SPOCK1: variants seen among roughly 807,000 people sequenced by gnomAD.
SPOCK1 encodes the protein testican-1.
Under a neutral mutation model 55.3 loss-of-function variants are expected in SPOCK1, and 23 were observed. The observed-to-expected ratio is 0.42, with a 90% CI of 0.30 to 0.59. SPOCK1 has a LOEUF of 0.59. Ranked by LOEUF, SPOCK1 falls within the 20% of genes least tolerant of loss-of-function variation. SPOCK1 has a pLI of 0.22. For missense variants in SPOCK1, 499 were observed against 552.5 expected, an observed-to-expected ratio of 0.90 and a Z score of 0.97; for synonymous variants, 226 against 221.0, an observed-to-expected ratio of 1.02 and a Z score of -0.20.
chr5:136,994,393 G>A (rs1328859094), intron 6 of SPOCK1, among the ~76,000 whole-genome samples: 1 of 152,144 alleles, frequency 6.6e-6, no homozygotes, highest in African/African-American at 2.4e-5. Flanking sequence ...GGTGACCTGA[G>A]ACAAGTCAGC....
intron 3 of SPOCK1, among the ~76,000 whole-genome samples, chr5:137,155,561 G>C (rs1350315722): frequency 6.6e-6 from 1 of 152,170 alleles, no homozygotes; most frequent in African/African-American, 2.4e-5. Context: ...TGAAATACGG[G>C]GATACCCTTT....
At chr5:137,101,862 A>G (rs993295526) in intron 5 of SPOCK1, among the ~76,000 whole-genome samples, 6 of 152,228 alleles carry the variant, frequency 3.9e-5, no homozygotes, top group Admixed American at 2.6e-4. Flanking sequence ...CAAATGGTTT[A>G]AAAACATCCT....
chr5:137,255,520 C>T lies in SPOCK1; in HGVS notation c.232+11490G>A, dbSNP rs562081455. ...TGTTATCACTTGACACTTACATATG[C>T]CTACAAGTTGTTTTTTGGTGAATGA... On this transcript the variant is annotated intron_variant, in intron 3 of 10. Coordinates refer to ENST00000394945, the MANE Select transcript of SPOCK1 (RefSeq NM_004598.4). Among the ~76,000 whole-genome samples, 4 of 152,236 alleles carry T rather than the reference C, an allele frequency of 2.6e-5. No homozygotes were observed. The South Asian group carries it at 8.3e-4, about 32-fold the overall frequency.
chr5:137,036,377 T>C (rs936969062), intron 6 of SPOCK1, among the ~76,000 whole-genome samples: 15 of 152,198 alleles, frequency 9.9e-5, no homozygotes, highest in African/African-American at 3.4e-4. Flanking sequence ...AGACTTCTCT[T>C]CCATCCAGGA....
At chr5:137,386,828 A>C (rs896022434) in intron 2 of SPOCK1, among the ~76,000 whole-genome samples, 1 of 152,196 alleles carries the variant, frequency 6.6e-6, no homozygotes, top group African/African-American at 2.4e-5. Context: ...TAAACTTAAA[A>C]ATTTCTGCTG....
At chr5:137,271,658 A>G (rs1156982035) in intron 2 of SPOCK1, among the ~76,000 whole-genome samples, 5 of 152,184 alleles carry the variant, frequency 3.3e-5, no homozygotes, top group African/African-American at 1.2e-4. Context: ...TAGCTCAAAT[A>G]TTCACCAGGG....
chr5:136,979,232 T>G, intron 10 of SPOCK1, 100 bp downstream of exon 10: 1 of 1,515,470 alleles, frequency 6.6e-7, no homozygotes, highest in South Asian at 1.2e-5. Flanking sequence ...TAATGTATAC[T>G]GGAGTTACCT....
chr5:137,498,142 CAGGT>C (rs1754337839), intron 2 of SPOCK1, among the ~76,000 whole-genome samples: 1 of 152,148 alleles, frequency 6.6e-6, no homozygotes, highest in Non-Finnish European at 1.5e-5. Flanking sequence ...ACCTGGGCCA[CAGGT>C]AACAGGCAAG....
intron 2 of SPOCK1, among the ~76,000 whole-genome samples, chr5:137,351,674 C>A (rs919092355): frequency 2.6e-5 from 4 of 152,182 alleles, no homozygotes; most frequent in Non-Finnish European, 5.9e-5. Flanking sequence ...ATGTTTTGGC[C>A]ACATCCAAGG....
At chr5:137,400,197 G>A (rs965758821) in intron 2 of SPOCK1, among the ~76,000 whole-genome samples, 4 of 152,114 alleles carry the variant, frequency 2.6e-5, no homozygotes, top group African/African-American at 9.7e-5. Flanking sequence ...CAGCTCGAGT[G>A]ATCACCAGAC....
intron 3 of SPOCK1, among the ~76,000 whole-genome samples, chr5:137,177,709 T>C (rs758758563): frequency 6.6e-6 from 1 of 151,650 alleles, no homozygotes; most frequent in African/African-American, 2.4e-5. Context: ...GACTCAAAGA[T>C]AAGAAGAAGG....
In SPOCK1 at chr5:136,992,473, A is replaced by G; in HGVS notation, c.706+11T>C. The G allele has an allele frequency of 6.3e-7, 1 of 1,587,696 alleles. No individual in the cohort carries two copies. On this transcript the variant is annotated intron_variant, in intron 7 of 10. Coordinates refer to ENST00000394945, the MANE Select transcript of SPOCK1 (RefSeq NM_004598.4). ...TAAATTGAGGAAATGTGATATTTAA[A>G]ATGGTCTTACTGCCTTGGGCTGTGT...
At chr5:137,477,843 C>T (rs1262212905) in intron 2 of SPOCK1, among the ~76,000 whole-genome samples, 1 of 152,206 alleles carries the variant, frequency 6.6e-6, no homozygotes, top group Admixed American at 6.5e-5. Flanking sequence ...CCTGCTGACT[C>T]TGGAAAGAGG....
intron 2 of SPOCK1, among the ~76,000 whole-genome samples, chr5:137,333,516 A>G (rs1283572894): frequency 1.3e-5 from 2 of 152,204 alleles, no homozygotes; most frequent in Admixed American, 6.5e-5. Context: ...GGTCTCATCC[A>G]TGGACATCTG....
intron 2 of SPOCK1, among the ~76,000 whole-genome samples, chr5:137,344,156 CTT>C (rs1369493009): frequency 1.3e-5 from 2 of 152,248 alleles, no homozygotes; most frequent in Non-Finnish European, 2.9e-5. Flanking sequence ...ACTTCTCTCT[CTT>C]GATCCCTCCC....
At chr5:137,407,774 G>A (rs908859486) in intron 2 of SPOCK1, among the ~76,000 whole-genome samples, 3 of 152,224 alleles carry the variant, frequency 2.0e-5, no homozygotes, top group East Asian at 1.9e-4. Flanking sequence ...AAGCCACTGC[G>A]CACCTATCAG....
At chr5:137,212,934 C>T (rs1307246097) in intron 3 of SPOCK1, among the ~76,000 whole-genome samples, 2 of 152,192 alleles carry the variant, frequency 1.3e-5, no homozygotes, top group African/African-American at 4.8e-5. Context: ...ACCTCCCAGA[C>T]TCAAGCTGCT....
At chr5:136,996,558 C>T (rs1024577089) in intron 6 of SPOCK1, among the ~76,000 whole-genome samples, 12 of 152,214 alleles carry the variant, frequency 7.9e-5, no homozygotes, top group African/African-American at 2.9e-4. Context: ...TTTCATTGCT[C>T]TTGTGCTCCC....
At chr5:137,149,490 A>G (rs1754270239) in intron 3 of SPOCK1, among the ~76,000 whole-genome samples, 1 of 152,258 alleles carries the variant, frequency 6.6e-6, no homozygotes, top group African/African-American at 2.4e-5. Flanking sequence ...AACCAATTCT[A>G]TAACCTAAGA....
Sources: gnomAD v4.1 joint callset for allele counts (sites outside exome capture counted in the v4.1 genomes callset) on GRCh38, gnomAD v4.1.1 for gene constraint, MANE v1.5 for transcripts, NCBI Gene and HGNC (gene_info 2026-07-23, HGNC 2026-07-21) for gene names.